LONP2: variants seen among roughly 807,000 people sequenced by gnomAD.
LONP2 encodes the protein lon protease homolog 2, peroxisomal.
Under a neutral mutation model 85.6 loss-of-function variants are expected in LONP2, and 60 were observed. The ratio of observed to expected loss-of-function variants is 0.70; its 90% confidence interval spans 0.57 to 0.87. The LOEUF is 0.87. Ranked by LOEUF, LONP2 falls within the 40% of genes least tolerant of loss-of-function variation. The probability of loss-of-function intolerance (pLI) is 0.00; values close to 1 mark genes in which losing one functional copy is unlikely to be tolerated. For synonymous variants in LONP2, 395 were observed against 389.7 expected, an observed-to-expected ratio of 1.01 and a Z score of -0.16; for missense variants, 860 against 1,063.5, an observed-to-expected ratio of 0.81 and a Z score of 2.66.
intron 11 of LONP2, among the ~76,000 whole-genome samples, chr16:48,323,142 TG>T (rs1973300914): frequency 6.6e-6 from 1 of 152,244 alleles, no homozygotes; most frequent in Non-Finnish European, 1.5e-5. Flanking sequence ...GTGAAATAAT[TG>T]CTAATTTTTA....
chr16:48,267,118 G>A (rs1972006077), intron 6 of LONP2, among the ~76,000 whole-genome samples: 1 of 152,154 alleles, frequency 6.6e-6, no homozygotes, highest in Non-Finnish European at 1.5e-5. Context: ...CAGCACTAGA[G>A]ATGTGTAGCA....
rs771476229 is a variant in LONP2, at chr16:48,347,669, AT to A, written c.2102del (p.Ile701ThrfsTer13). On this transcript the variant is annotated frameshift_variant, in exon 13 of 15. Coordinates refer to ENST00000285737, the MANE Select transcript of LONP2 (RefSeq NM_031490.5). LOFTEE classifies it high-confidence loss of function. ...GATGAAGGAGTCCGCCCACCTCGCT[AT>A]CAGCTGGCTCCGCAGCAACGCAAAG... ...DVMKESAHLA[I>X]SWLRSNAKKY... 3 of 1,614,170 alleles carry A rather than the reference AT, an allele frequency of 1.9e-6. No homozygotes were observed. Among genetic ancestry groups the A allele is most frequent in the Non-Finnish European group, 2.5e-6 (3 of 1,180,032 alleles).
chr16:48,288,405 G>A (rs1395977772), intron 8 of LONP2, among the ~76,000 whole-genome samples: 6 of 151,920 alleles, frequency 3.9e-5, no homozygotes, highest in Admixed American at 3.3e-4. Context: ...CATCCGCCTC[G>A]GCCTCCCAAA....
intron 7 of LONP2, among the ~76,000 whole-genome samples, chr16:48,271,672 A>C (rs959584775): frequency 5.3e-5 from 8 of 152,288 alleles, no homozygotes; most frequent in Admixed American, 3.3e-4. Flanking sequence ...GCTTGAGCTC[A>C]GGAGTTCAAG....
At chr16:48,289,274 T>G (rs1305555505) in intron 8 of LONP2, among the ~76,000 whole-genome samples, 1 of 152,026 alleles carries the variant, frequency 6.6e-6, no homozygotes, top group Non-Finnish European at 1.5e-5. Context: ...CCCAAGGTGG[T>G]CAGAGCACAG....
chr16:48,290,619 T>C (rs1046434180), intron 8 of LONP2, among the ~76,000 whole-genome samples: 2 of 152,220 alleles, frequency 1.3e-5, no homozygotes, highest in Admixed American at 6.5e-5. Flanking sequence ...ACTGGTTTAT[T>C]AAAAGAATAT....
At chr16:48,249,948 T>C (rs2150961098) in intron 1 of LONP2, among the ~76,000 whole-genome samples, 1 of 152,228 alleles carries the variant, frequency 6.6e-6, no homozygotes, top group East Asian at 1.9e-4. Context: ...TCCTAGCACT[T>C]TGGGAGGCTG....
intron 8 of LONP2, among the ~76,000 whole-genome samples, chr16:48,287,083 G>A (rs1279848444): frequency 6.6e-6 from 1 of 152,190 alleles, no homozygotes; most frequent in Non-Finnish European, 1.5e-5. Context: ...TGACCGGACA[G>A]AGATTTCCTT....
At position 48,252,308 on chromosome 16, in the gene LONP2, T is replaced by A; in HGVS notation, c.411T>A (p.Cys137Ter). Reference protein sequence around the residue: ...LDRLEEFPNTCKMREELGELS... With the variant: ...LDRLEEFPNT Reference sequence around the variant, plus strand: ...GACTTGAGGAGTTTCCCAACACCTGTAAAATGAGGGAGGAGCTAGGAGAAC... The same window carrying A: ...GACTTGAGGAGTTTCCCAACACCTGAAAAATGAGGGAGGAGCTAGGAGAAC... The change falls in exon 2 of 15, where the codon TGT becomes TGA. Residue 137 changes from cysteine (C) to a stop codon, truncating the protein, a stop_gained. Coordinates refer to ENST00000285737, the MANE Select transcript of LONP2 (RefSeq NM_031490.5). LOFTEE classifies it high-confidence loss of function. The A allele has an allele frequency of 6.2e-7, 1 of 1,613,862 alleles. No homozygotes were observed. Among genetic ancestry groups the A allele is most frequent in the Non-Finnish European group, 8.5e-7 (1 of 1,179,868 alleles).
rs776643722 is a variant in LONP2, at chr16:48,261,406, T to C, written c.724-18T>C. ...TTTATTTTGACATACGGTTTTACTTTTCTGCTTTCTATGTTAGGTTATAGC... is the reference window on the plus strand; with the variant it reads ...TTTATTTTGACATACGGTTTTACTTCTCTGCTTTCTATGTTAGGTTATAGC... On this transcript the variant is annotated intron_variant, in intron 4 of 14. Transcript: ENST00000285737. The C allele has an allele frequency of 3.9e-6, 6 of 1,549,722 alleles. No homozygotes were observed. The Admixed American group carries it at 1.2e-4, about 30-fold the overall frequency.
intron 2 of LONP2, among the ~76,000 whole-genome samples, chr16:48,253,340 C>T (rs575785356): frequency 2.0e-5 from 3 of 151,916 alleles, no homozygotes; most frequent in Admixed American, 6.6e-5. Flanking sequence ...TGTGATGGTG[C>T]GTGCCTGTAG....
chr16:48,340,912 GTC>G (rs1959790283), intron 12 of LONP2, among the ~76,000 whole-genome samples: 1 of 152,064 alleles, frequency 6.6e-6, no homozygotes, highest in Non-Finnish European at 1.5e-5. Flanking sequence ...TGAAAACTCT[GTC>G]TCAAAAAAAA....
At chr16:48,338,545 A>G (rs148055485) in intron 12 of LONP2, among the ~76,000 whole-genome samples, 1 of 152,176 alleles carries the variant, frequency 6.6e-6, no homozygotes, top group African/African-American at 2.4e-5. Flanking sequence ...GAGATGGGGA[A>G]GACTTGGGGA....
At chr16:48,294,955 T>C (rs1487054635) in intron 8 of LONP2, among the ~76,000 whole-genome samples, 1 of 152,238 alleles carries the variant, frequency 6.6e-6, no homozygotes. Context: ...GTTTGGAACA[T>C]GTAGAAGCTG....
chr16:48,301,467 G>T (rs1208633535), intron 10 of LONP2, among the ~76,000 whole-genome samples: 1 of 152,082 alleles, frequency 6.6e-6, no homozygotes, highest in Admixed American at 6.5e-5. Flanking sequence ...CAGCTCCCAA[G>T]TAGCTGGGAC....
intron 11 of LONP2, among the ~76,000 whole-genome samples, chr16:48,316,767 A>G (rs926861013): frequency 4.6e-5 from 7 of 152,058 alleles, no homozygotes; most frequent in African/African-American, 1.7e-4. Flanking sequence ...ACACTCCATT[A>G]TCTGATTCAG....
chr16:48,251,400 G>A (rs1313583943), intron 1 of LONP2, among the ~76,000 whole-genome samples: 1 of 152,154 alleles, frequency 6.6e-6, no homozygotes, highest in Non-Finnish European at 1.5e-5. Context: ...ATTTATATGT[G>A]ACTTGATCAG....
intron 8 of LONP2, among the ~76,000 whole-genome samples, chr16:48,293,657 A>G (rs142499128): frequency 6.6e-6 from 1 of 152,164 alleles, no homozygotes; most frequent in Non-Finnish European, 1.5e-5. Flanking sequence ...ACACAACAGA[A>G]CTCTTGCTGA....
intron 8 of LONP2, 46 bp from the exon 9 acceptor site, chr16:48,295,968 CT>C (rs1567327929): frequency 6.3e-7 from 1 of 1,590,228 alleles, no homozygotes; most frequent in South Asian, 1.1e-5. Flanking sequence ...ATACAGCCTT[CT>C]GTTGGCACTA....
Sources: allele counts gnomAD v4.1 joint callset (sites outside exome capture counted in the v4.1 genomes callset), GRCh38; gene constraint gnomAD v4.1.1; transcripts MANE v1.5; gene names NCBI Gene and HGNC (gene_info 2026-07-23, HGNC 2026-07-21).